The following INPP5B variants were observed in gnomAD, a reference collection of about 807,000 sequenced individuals.
The protein encoded by INPP5B is type II inositol 1,4,5-trisphosphate 5-phosphatase.
INPP5B carries 90 observed loss-of-function variants against 118.5 expected under a neutral mutation model. The ratio of observed to expected loss-of-function variants is 0.76; its 90% CI spans 0.64 to 0.90. The LOEUF (loss-of-function observed/expected upper bound fraction) is 0.90. Among genes scored for constraint, INPP5B ranks in the 40% least tolerant of loss-of-function variants. The pLI, the probability that INPP5B is intolerant of heterozygous loss-of-function variation, is 0.00. For synonymous variants in INPP5B, 385 were observed against 418.9 expected, an observed-to-expected ratio of 0.92 and a Z score of 0.99; for missense variants, 984 against 1,125.6, an observed-to-expected ratio of 0.87 and a Z score of 1.80.
intron 6 of INPP5B, 112 bp downstream of exon 6, chr1:37,940,576 A>C (rs1280690565): frequency 1.2e-5 from 8 of 657,054 alleles, no homozygotes; most frequent in Non-Finnish European, 2.2e-5. Context: ...AGCAGCTTCG[A>C]AAGGACACAG....
intron 6 of INPP5B, among the ~76,000 whole-genome samples, chr1:37,940,231 T>C (rs1645862282): frequency 6.6e-6 from 1 of 152,204 alleles, no homozygotes; most frequent in African/African-American, 2.4e-5. Flanking sequence ...TAAAGGCCAC[T>C]AACGTTTCAC....
intron 7 of INPP5B, among the ~76,000 whole-genome samples, chr1:37,905,309 G>A (rs1644467551): frequency 6.6e-6 from 1 of 152,164 alleles, no homozygotes; most frequent in South Asian, 2.1e-4. Flanking sequence ...GCTGAGGCAG[G>A]AGAATTGCTT....
intron 7 of INPP5B, among the ~76,000 whole-genome samples, chr1:37,921,006 T>G (rs1011498577): frequency 5.3e-5 from 8 of 151,982 alleles, no homozygotes; most frequent in Admixed American, 2.0e-4. Context: ...CTCAGGAGGC[T>G]GAGGCAGGAG....
At chr1:37,941,560 G>C (rs1055870292) in intron 5 of INPP5B, among the ~76,000 whole-genome samples, 1 of 151,976 alleles carries the variant, frequency 6.6e-6, no homozygotes, top group Non-Finnish European at 1.5e-5. Flanking sequence ...AGGATCGCTT[G>C]AGCCCAGGAG....
chr1:37,925,897 G>A (rs1557705963), intron 7 of INPP5B, among the ~76,000 whole-genome samples: 1 of 152,186 alleles, frequency 6.6e-6, no homozygotes, highest in African/African-American at 2.4e-5. Context: ...TTTGTTTAAG[G>A]AAACAAAGTG....
chr1:37,939,883 C>T lies in INPP5B; in HGVS notation c.391+805G>A, dbSNP rs145833662. Among the ~76,000 whole-genome samples, 236 of 152,268 alleles carry T rather than the reference C, an allele frequency of 1.5e-3. 2 individuals carry two copies. The highest frequency in any genetic ancestry group is 5.3e-3 in the African/African-American group (221 of 41,546). ...TTAGCCTCCCAAGTAGTTGGGATTA[C>T]GAGCAAGCTACTAAGCCTAGCTGTT... On this transcript the variant is annotated intron_variant, in intron 6 of 23. Coordinates refer to ENST00000373024, the MANE Select transcript of INPP5B (RefSeq NM_005540.3).
At chr1:37,880,668 C>G (rs1372922418) in intron 14 of INPP5B, among the ~76,000 whole-genome samples, 4 of 152,012 alleles carry the variant, frequency 2.6e-5, no homozygotes, top group African/African-American at 9.7e-5. Context: ...GAACTCCTGA[C>G]GTGATCCACC....
intron 7 of INPP5B, among the ~76,000 whole-genome samples, chr1:37,904,234 G>A (rs1241889318): frequency 7.2e-5 from 11 of 151,794 alleles, no homozygotes; most frequent in Admixed American, 7.2e-4. Context: ...CTGAGGCAAG[G>A]GAATCACTTG....
intron 19 of INPP5B, among the ~76,000 whole-genome samples, chr1:37,868,904 G>T (rs997036498): frequency 2.6e-5 from 4 of 152,200 alleles, no homozygotes; most frequent in Non-Finnish European, 2.9e-5. Flanking sequence ...GAGAGAAGTT[G>T]CGGTCTGGTG....
chr1:37,870,146 GTCT>G (rs1452474781), intron 19 of INPP5B: 1 of 151,468 alleles, frequency 6.6e-6, no homozygotes, highest in Non-Finnish European at 1.5e-5. Flanking sequence ...GGCTGAGTTT[GTCT>G]TCTTTTTTTT....
intron 16 of INPP5B, among the ~76,000 whole-genome samples, chr1:37,876,314 C>T (rs1642801375): frequency 6.6e-6 from 1 of 151,508 alleles, no homozygotes; most frequent in African/African-American, 2.4e-5. Flanking sequence ...CCATGTTGCC[C>T]AGGCTGGTCT....
At position 37,945,780 on chromosome 1, in the gene INPP5B, A is replaced by T. The variant is rs756896252; in HGVS notation, c.128T>A (p.Leu43Gln). The change falls in exon 3 of 24, where the codon CTG becomes CAG. Residue 43 changes from leucine to glutamine, a missense_variant. Coordinates refer to ENST00000373024, the MANE Select transcript of INPP5B (RefSeq NM_005540.3). ...CGCGTGTTCCTGGCCGCCGTGCTCC[A>T]GGCGGTAGCGCACGAGTCCCAGGAG... The part of the protein sequence containing the change: ...SRLLGLVRYR[L>Q]EHGGQEHALF... 1.9e-6 allele frequency: 3 copies of T among 1,613,882 alleles called. No homozygotes were observed. The highest frequency in any genetic ancestry group is 2.5e-6 in the Non-Finnish European group (3 of 1,179,950).
At chr1:37,944,950 C>G (rs962733796) in intron 3 of INPP5B, among the ~76,000 whole-genome samples, 1 of 152,010 alleles carries the variant, frequency 6.6e-6, no homozygotes, top group Non-Finnish European at 1.5e-5. Flanking sequence ...ATGGACAAAT[C>G]GAGGAGTAAA....
At chr1:37,865,676 T>C in intron 22 of INPP5B, 85 bp downstream of exon 22, 1 of 1,462,086 alleles carries the variant, frequency 6.8e-7, no homozygotes, top group Non-Finnish European at 9.4e-7. Context: ...TCTGAGATGC[T>C]GCACTTGAGG....
intron 7 of INPP5B, among the ~76,000 whole-genome samples, chr1:37,909,645 C>T (rs1480472060): frequency 6.6e-6 from 1 of 152,178 alleles, no homozygotes; most frequent in Non-Finnish European, 1.5e-5. Flanking sequence ...GCCCTAGACC[C>T]AGAGGGGCCA....
At position 37,896,853 on chromosome 1, in the gene INPP5B, G is replaced by T. The variant is rs1336809376; in HGVS notation, c.533-5399C>A. Among the ~76,000 whole-genome samples, 2 of 139,382 alleles carry T rather than the reference G, an allele frequency of 1.4e-5. 1 individual carries two copies. Among genetic ancestry groups the T allele is most frequent in the Non-Finnish European group, 3.2e-5 (2 of 62,696 alleles). 91.4% of individuals were successfully genotyped at this position (139,382 alleles called of 152,430 possible). On this transcript the variant is annotated intron_variant, in intron 7 of 23. Coordinates refer to ENST00000373024, the MANE Select transcript of INPP5B (RefSeq NM_005540.3). ...GCGCCTCTGCCTAGCCGCCCCTACG[G>T]GGAAGTGAGGAGCCCCTCTGCCCGG...
At chr1:37,874,262 T>G in intron 17 of INPP5B, 107 bp from the exon 18 acceptor site, 3 of 773,990 alleles carry the variant, frequency 3.9e-6, no homozygotes, top group Non-Finnish European at 5.7e-6. Flanking sequence ...GAACCATCTC[T>G]TTTAAATGTT....
intron 7 of INPP5B, among the ~76,000 whole-genome samples, chr1:37,894,394 C>T (rs527915183): frequency 3.3e-5 from 5 of 152,250 alleles, no homozygotes; most frequent in African/African-American, 1.2e-4. Context: ...TTTTTCTTCC[C>T]AGTTAGACTG....
Position 37,880,107 on chromosome 1 carries a change from C to T in INPP5B, c.1519G>A (p.Gly507Ser), listed in dbSNP as rs571641776. The change falls in exon 15 of 24, where the codon GGC (glycine) becomes AGC (serine). Residue 507 changes from glycine (G) to serine (S), a missense_variant. Transcript: ENST00000373024. ...TACCTGGTATCCCAGTCGTCAGAGC[C>T]CGTATCATACTTGTAAGTAGGCTGG... is the stretch of plus-strand genomic sequence containing the variant. ...TFQPTYKYDT[G>S]SDDWDTSEKC... 5 of 1,609,948 alleles carry T rather than the reference C, an allele frequency of 3.1e-6. No homozygotes were observed. In the African/African-American group the frequency reaches 5.3e-5, roughly 17 times the overall value.
Sources: allele counts gnomAD v4.1 joint callset (sites outside exome capture counted in the v4.1 genomes callset), GRCh38; gene constraint gnomAD v4.1.1; transcripts MANE v1.5; gene names NCBI Gene and HGNC (gene_info 2026-07-23, HGNC 2026-07-21).